Variants in NUAK1 observed in about 807,000 individuals in gnomAD.
NUAK1 encodes NUAK family SNF1-like kinase 1.
Under a neutral mutation model 56.9 loss-of-function variants are expected in NUAK1, and 26 were observed. That is an observed-to-expected ratio of 0.46 (90% CI 0.33 to 0.63). The LOEUF is 0.63. NUAK1 is among the 30% of genes least tolerant of loss of function. The pLI, the probability that NUAK1 is intolerant of heterozygous loss-of-function variation, is 0.02. For missense variants in NUAK1, 727 were observed against 876.1 expected (o/e 0.83, Z 2.15); for synonymous variants, 337 against 336.0 (o/e 1.00, Z -0.03).
At position 106,070,220 on chromosome 12, in the gene NUAK1, A is replaced by G. The variant is rs1042069724; in HGVS notation, c.832+554T>C. ...CTTACAACTGTAGGAGAGGAAGGCCATAAGAGCACTTCCCAACCCACAGGG... is the reference window on the plus strand; with the variant it reads ...CTTACAACTGTAGGAGAGGAAGGCCGTAAGAGCACTTCCCAACCCACAGGG... On this transcript the variant is annotated intron_variant, in intron 6 of 6. Coordinates refer to ENST00000261402, the MANE Select transcript of NUAK1 (RefSeq NM_014840.3). Among the ~76,000 whole-genome samples the G allele has an allele frequency of 3.3e-5, 5 of 152,184 alleles. No individual in the cohort carries two copies. In the East Asian group the frequency reaches 7.7e-4, roughly 23 times the overall value.
chr12:106,135,213 G>C (rs1278808766), intron 1 of NUAK1, among the ~76,000 whole-genome samples: 1 of 152,202 alleles, frequency 6.6e-6, no homozygotes, highest in African/African-American at 2.4e-5. Flanking sequence ...TCAAGGATTT[G>C]AATGTAAGCC....
rs144635936 is a variant in NUAK1, at chr12:106,095,411, C to T, written c.362-8526G>A. Among the ~76,000 whole-genome samples, 430 of 152,320 alleles carry T rather than the reference C, an allele frequency of 2.8e-3. 3 individuals carry two copies. The highest frequency in any genetic ancestry group is 0.02 in the Middle Eastern group (6 of 294). On this transcript the variant is annotated intron_variant, in intron 2 of 6. Coordinates refer to ENST00000261402, the MANE Select transcript of NUAK1 (RefSeq NM_014840.3). ...GCTTTGGCACAGGGATTCATCTCAC[C>T]ATCACCACCTCACCAAGGTGGAAAG...
rs537866718 is a variant in NUAK1, at chr12:106,082,816, G to T, written c.579+1048C>A. Among the ~76,000 whole-genome samples the T allele has an allele frequency of 3.4e-3, 523 of 152,164 alleles. 2 individuals are homozygous for T. Among genetic ancestry groups the T allele is most frequent in the Non-Finnish European group, 6.2e-3 (425 of 68,008 alleles). ...TCCATCCTTCCAAGCAAGGAAACAA[G>T]TCTCATCACACGCTCCTCCACTGAT... On this transcript the variant is annotated intron_variant, in intron 4 of 6. Coordinates refer to ENST00000261402, the MANE Select transcript of NUAK1 (RefSeq NM_014840.3).
chr12:106,130,331 C>G (rs2033064855), intron 1 of NUAK1, among the ~76,000 whole-genome samples: 1 of 152,182 alleles, frequency 6.6e-6, no homozygotes, highest in South Asian at 2.1e-4. Context: ...TCAGATTATT[C>G]CAGATGTCTG....
intron 1 of NUAK1, among the ~76,000 whole-genome samples, chr12:106,130,031 G>C (rs1479587411): frequency 6.6e-6 from 1 of 151,930 alleles, no homozygotes; most frequent in African/African-American, 2.4e-5. Flanking sequence ...ACCCAGACTG[G>C]AGTGCAGTGG....
At chr12:106,106,288 A>T in intron 2 of NUAK1, 117 bp downstream of exon 2, 3 of 893,538 alleles carry the variant, frequency 3.4e-6, no homozygotes, top group East Asian at 5.4e-5. Flanking sequence ...TTTTTGCATC[A>T]TGAGGAAAAA....
intron 1 of NUAK1, among the ~76,000 whole-genome samples, chr12:106,136,055 T>C (rs1044832818): frequency 2.6e-5 from 4 of 152,288 alleles, no homozygotes; most frequent in Admixed American, 2.6e-4. Flanking sequence ...CAAGGAGGAC[T>C]TTCCTTCCCC....
intron 3 of NUAK1, 77 bp downstream of exon 3, chr12:106,086,657 T>C (rs1301420712): frequency 2.7e-6 from 4 of 1,485,438 alleles, no homozygotes; most frequent in Admixed American, 2.0e-5. Flanking sequence ...CAGATATCAC[T>C]TTTATAATAG....
rs1444483087 is a variant in NUAK1, at chr12:106,066,340, C to T, written c.*462G>A. 1 of 161,130 alleles carries T rather than the reference C, an allele frequency of 6.2e-6. No individual in the cohort carries two copies. Among genetic ancestry groups the T allele is most frequent in the Non-Finnish European group, 1.4e-5 (1 of 72,932 alleles). The allele number at this position is 161,130 out of a possible 1,614,324, so 10.0% of individuals were successfully genotyped here. A position where few individuals can be genotyped will look rare whatever the true frequency, so the allele number is the denominator to read the frequency against. On this transcript the variant is annotated 3_prime_UTR_variant, in exon 7 of 7. Transcript: ENST00000261402. ...CAACTCAAGCTCAAGTTGCTGAAAT[C>T]TACTTGCCAGCTCCACGCAGCCAGA...
At chr12:106,121,257 G>C (rs533740981) in intron 1 of NUAK1, among the ~76,000 whole-genome samples, 8 of 152,306 alleles carry the variant, frequency 5.3e-5, no homozygotes, top group African/African-American at 1.7e-4. Context: ...CCCCGTCACA[G>C]AGTTGCTGTG....
At chr12:106,114,242 T>C (rs2032894647) in intron 1 of NUAK1, among the ~76,000 whole-genome samples, 1 of 152,204 alleles carries the variant, frequency 6.6e-6, no homozygotes. Context: ...GTGCAACTTT[T>C]ATTTATCAAC....
intron 1 of NUAK1, among the ~76,000 whole-genome samples, chr12:106,121,252 TCA>T (rs1185609210): frequency 6.6e-6 from 1 of 152,170 alleles, no homozygotes; most frequent in Non-Finnish European, 1.5e-5. Context: ...TCACTCCCCG[TCA>T]CAGAGTTGCT....
intron 1 of NUAK1, among the ~76,000 whole-genome samples, chr12:106,113,427 C>T (rs1292703356): frequency 6.6e-6 from 1 of 152,026 alleles, no homozygotes; most frequent in East Asian, 1.9e-4. Context: ...CACCTGCCTC[C>T]GATCCCCTGG....
At chr12:106,079,238 A>ATTAC (rs1312588555) in intron 4 of NUAK1, among the ~76,000 whole-genome samples, 1 of 152,142 alleles carries the variant, frequency 6.6e-6, no homozygotes, top group Non-Finnish European at 1.5e-5. Context: ...CTCAGTAAGC[A>ATTAC]TTACTTTCCT....
intron 1 of NUAK1, among the ~76,000 whole-genome samples, chr12:106,119,546 A>G (rs1253703228): frequency 6.6e-6 from 1 of 152,226 alleles, no homozygotes; most frequent in Non-Finnish European, 1.5e-5. Context: ...GAAAATCTGT[A>G]GGGAAGCTGG....
chr12:106,107,871 G>A (rs2032818061), intron 1 of NUAK1, among the ~76,000 whole-genome samples: 1 of 152,188 alleles, frequency 6.6e-6, no homozygotes, highest in African/African-American at 2.4e-5. Context: ...TGTCTGACTA[G>A]CAGCTCCTGG....
intron 4 of NUAK1, among the ~76,000 whole-genome samples, chr12:106,078,584 C>T (rs2032485724): frequency 6.6e-6 from 1 of 152,218 alleles, no homozygotes; most frequent in South Asian, 2.1e-4. Context: ...GAGTTGATCG[C>T]TGTGGCTTCA....
chr12:106,097,569 C>T (rs1295587377), intron 2 of NUAK1, among the ~76,000 whole-genome samples: 1 of 152,178 alleles, frequency 6.6e-6, no homozygotes, highest in Non-Finnish European at 1.5e-5. Context: ...GCCTGAGAAC[C>T]CTGGAGTAGC....
chr12:106,132,608 AG>A (rs1222863929), intron 1 of NUAK1, among the ~76,000 whole-genome samples: 1 of 152,188 alleles, frequency 6.6e-6, no homozygotes, highest in African/African-American at 2.4e-5. Context: ...CCAGGGTCTG[AG>A]GCTGCTTGGG....
Sources: allele counts gnomAD v4.1 joint callset (sites outside exome capture counted in the v4.1 genomes callset), GRCh38; gene constraint gnomAD v4.1.1; transcripts MANE v1.5; gene names NCBI Gene and HGNC (gene_info 2026-07-23, HGNC 2026-07-21).